Variants in EVC2 observed in about 807,000 individuals in gnomAD.
EVC2 encodes the protein limbin.
In EVC2, 148 loss-of-function variants were observed where a neutral mutation model predicts 149.3. The observed-to-expected ratio is 0.99, with a 90% CI of 0.87 to 1.14. The LOEUF is 1.14. Among genes scored for constraint, EVC2 ranks in the 50% most tolerant of loss-of-function variants. The probability of loss-of-function intolerance (pLI) is 0.00; values close to 1 mark genes in which losing one functional copy is unlikely to be tolerated. For synonymous variants in EVC2, 776 were observed against 649.9 expected (o/e 1.19, Z -2.95); for missense variants, 1,854 against 1,627.3 (o/e 1.14, Z -2.40).
At position 5,665,517 on chromosome 4, in the gene EVC2, G is replaced by A. The variant is rs148884226; in HGVS notation, c.1003C>T (p.Arg335Trp). 301 of 1,613,952 alleles carry A rather than the reference G, an allele frequency of 1.9e-4. No individual in the cohort carries two copies. Among genetic ancestry groups the A allele is most frequent in the Admixed American group, 2.3e-4 (14 of 59,998 alleles). Residue 335 changes from arginine (R) to tryptophan (W), a missense_variant and splice_region_variant, in exon 8 of 22, where the codon CGG (arginine) becomes TGG (tryptophan). By Grantham distance (101) the Arg-to-Trp change is moderately radical. Transcript: ENST00000344408. ...CLKGNMLTRHRVWQYESKLEP... is the reference protein window; with the variant it reads ...CLKGNMLTRHWVWQYESKLEP... ...AACCACCCTCAGGGAAGACTCACCC[G>A]ATGTCTGGTGAGCATGTTTCCCTTC...
intron 3 of EVC2, among the ~76,000 whole-genome samples, chr4:5,691,856 G>T (rs1473730058): frequency 1.3e-5 from 2 of 152,174 alleles, no homozygotes; most frequent in African/African-American, 4.8e-5. Context: ...GGTTCCAAAG[G>T]AAAGCCAGGG....
chr4:5,580,803 G>GTGTCCCTGCTTAAATC lies in EVC2; in HGVS notation c.3057+3819_3057+3820insGATTTAAGCAGGGACA, dbSNP rs57966881. On this transcript the variant is annotated intron_variant, in intron 17 of 21. Transcript: ENST00000344408. ...TTAAATTCAATTAAAGACTGAATTTGTCATGTTGAATTGTAATCCCCAGTG... is the reference window on the plus strand; with the variant it reads ...TTAAATTCAATTAAAGACTGAATTTGTGTCCCTGCTTAAATCTCATGTTGAATTGTAATCCCCAGTG... 5.1e-3 allele frequency among the ~76,000 whole-genome samples: 779 copies of GTGTCCCTGCTTAAATC among 152,230 alleles called. 9 individuals carry two copies. The highest frequency in any genetic ancestry group is 0.018 in the African/African-American group (731 of 41,524).
intron 16 of EVC2, 47 bp downstream of exon 16, chr4:5,615,375 C>CCCGCCA (rs754103978): frequency 6.8e-6 from 11 of 1,613,550 alleles, no homozygotes; most frequent in Non-Finnish European, 8.5e-6. Flanking sequence ...TCAGAGCAGC[C>CCCGCCA]CCGCCATGTG....
intron 19 of EVC2, among the ~76,000 whole-genome samples, chr4:5,571,415 T>C (rs1013683479): frequency 6.6e-6 from 1 of 150,662 alleles, no homozygotes; most frequent in South Asian, 2.1e-4. Flanking sequence ...GAAGAACTTA[T>C]CCATGTAACC....
intron 9 of EVC2, among the ~76,000 whole-genome samples, chr4:5,647,142 C>A (rs1032211957): frequency 6.6e-6 from 1 of 152,114 alleles, no homozygotes; most frequent in Non-Finnish European, 1.5e-5. Flanking sequence ...GTGGTGTAGG[C>A]TGTTGTGTGA....
At chr4:5,603,427 C>T (rs2108813394) in intron 16 of EVC2, among the ~76,000 whole-genome samples, 1 of 152,308 alleles carries the variant, frequency 6.6e-6, no homozygotes, top group South Asian at 2.1e-4. Context: ...TCCCTTTCAA[C>T]ATGCCTTCTT....
the EVC2 span, among the ~76,000 whole-genome samples, chr4:5,537,138 C>T: frequency 6.6e-6 from 1 of 152,110 alleles, no homozygotes; most frequent in Non-Finnish European, 1.5e-5. Flanking sequence ...ATGAGGTGAG[C>T]CTAGAGTTGC....
chr4:5,683,446 T>G (rs1199948268), intron 6 of EVC2, among the ~76,000 whole-genome samples: 1 of 152,216 alleles, frequency 6.6e-6, no homozygotes, highest in Non-Finnish European at 1.5e-5. Flanking sequence ...GTTCCTAGCA[T>G]GAAGCCAGAA....
At chr4:5,623,940 C>T (rs956918032) in intron 13 of EVC2, among the ~76,000 whole-genome samples, 2 of 152,210 alleles carry the variant, frequency 1.3e-5, no homozygotes, top group Non-Finnish European at 2.9e-5. Flanking sequence ...GTAGTTTACG[C>T]CAATGAACAT....
Position 5,549,270 on chromosome 4 carries a change from T to C in EVC2, c.3420-6058A>G, listed in dbSNP as rs55776163. ...TGTACTGGGTACCCGGGTACGGGAG[T>C]TTGCTTTCTATTTTACTCCCTGCAA... is the stretch of plus-strand genomic sequence containing the variant. On this transcript the variant is annotated intron_variant and NMD_transcript_variant, in intron 21 of 22. Transcript: ENST00000475313. Among the ~76,000 whole-genome samples, 267 of 152,148 alleles carry C rather than the reference T, an allele frequency of 1.8e-3. 2 individuals carry two copies. The highest frequency in any genetic ancestry group is 5.8e-3 in the Admixed American group (88 of 15,266).
intron 12 of EVC2, among the ~76,000 whole-genome samples, chr4:5,628,041 C>T (rs1716245136): frequency 6.6e-6 from 1 of 152,220 alleles, no homozygotes; most frequent in Middle Eastern, 3.4e-3. Context: ...ATTGCATATG[C>T]TTTTAAAATT....
At chr4:5,689,027 C>T (rs1577256194) in intron 5 of EVC2, 130 bp downstream of exon 5, 6 of 983,692 alleles carry the variant, frequency 6.1e-6, no homozygotes, top group Non-Finnish European at 9.4e-6. Context: ...TAGTAAGATC[C>T]ACTGTGAGGA....
At chr4:5,689,490 T>G in intron 4 of EVC2, 147 bp from the exon 5 acceptor site, 2 of 796,166 alleles carry the variant, frequency 2.5e-6, no homozygotes, top group Non-Finnish European at 4.2e-6. Context: ...TTTATCAGTC[T>G]CAGTATGATT....
chr4:5,680,529 T>C (rs1012611910), intron 7 of EVC2, among the ~76,000 whole-genome samples: 1 of 152,174 alleles, frequency 6.6e-6, no homozygotes, highest in Admixed American at 6.5e-5. Context: ...TGACTGTATA[T>C]GTAAGTCCCG....
At chr4:5,647,651 A>G (rs576591009) in intron 9 of EVC2, among the ~76,000 whole-genome samples, 14 of 152,254 alleles carry the variant, frequency 9.2e-5, no homozygotes, top group African/African-American at 3.4e-4. Context: ...TCCCTTCTCT[A>G]CTCTGAGACA....
At chr4:5,575,056 G>A (rs1339575326) in intron 18 of EVC2, among the ~76,000 whole-genome samples, 1 of 152,172 alleles carries the variant, frequency 6.6e-6, no homozygotes. Context: ...TGATCTCTGT[G>A]ATGCTGCTTT....
At chr4:5,530,842 T>C in the EVC2 span, among the ~76,000 whole-genome samples, 1 of 152,212 alleles carries the variant, frequency 6.6e-6, no homozygotes. Flanking sequence ...TTCAGTAATT[T>C]ACAAATAAAT....
chr4:5,552,750 GAGAC>G (rs1227109249), intron 21 of EVC2, among the ~76,000 whole-genome samples: 1 of 152,178 alleles, frequency 6.6e-6, no homozygotes, highest in African/African-American at 2.4e-5. Flanking sequence ...ATGAGCTGAG[GAGAC>G]AGACAATGAA....
Position 5,625,745 on chromosome 4 carries a change from A to G in EVC2, c.2046+4T>C, listed in dbSNP as rs1350343599. 1 of 1,614,122 alleles carries G rather than the reference A, an allele frequency of 6.2e-7. No homozygotes were observed. On this transcript the variant is annotated splice_donor_region_variant and intron_variant, in intron 13 of 21. Coordinates refer to ENST00000344408, the MANE Select transcript of EVC2 (RefSeq NM_147127.5). This position sits in a 1 kb window ranked among gnomAD's most constrained non-coding sequence, Gnocchi z 4.0. ...AAGAATAAATAGCATCATGCCTTAT[A>G]TACCTTTTGTAGCAACTCTCGTCTT...
Sources: allele counts gnomAD v4.1 joint callset (sites outside exome capture counted in the v4.1 genomes callset), GRCh38; gene constraint gnomAD v4.1.1; non-coding constraint Gnocchi (gnomAD v3.1); transcripts MANE v1.5; gene names NCBI Gene and HGNC (gene_info 2026-07-23, HGNC 2026-07-21).